CCN6: variants seen among roughly 807,000 people sequenced by gnomAD.
CCN6 encodes the protein cellular communication network factor 6.
CCN6 carries 31 observed loss-of-function variants against 37.4 expected under a neutral mutation model. The ratio of observed to expected loss-of-function variants is 0.83; its 90% confidence interval spans 0.62 to 1.12. The LOEUF is 1.12. Among genes scored for constraint, CCN6 ranks in the 50% most tolerant of loss-of-function variants. The pLI, the probability that CCN6 is intolerant of heterozygous loss-of-function variation, is 0.00. For missense variants in CCN6, 369 were observed against 413.8 expected, an observed-to-expected ratio of 0.89 and a Z score of 0.94; for synonymous variants, 137 against 142.1, an observed-to-expected ratio of 0.96 and a Z score of 0.26.
chr6:112,064,822 C>T lies in CCN6; in HGVS notation c.414C>T (p.Asn138=), dbSNP rs142889293. The change falls in exon 3 of 5, where the codon AAC becomes AAT. Residue 138 remains asparagine (N), a synonymous_variant. Transcript: ENST00000368666. The stretch of plus-strand genomic sequence containing the variant: ...ATAATGGCCAAGTGTTTCAGCCCAA[C>T]CCCTTGTTCAGCTGCCTCTGTGTGA... ...HYHNGQVFQP[N]PLFSCLCVSG... 3.7e-6 allele frequency: 6 copies of T among 1,613,992 alleles called. No individual in the cohort carries two copies. Among genetic ancestry groups the T allele is most frequent in the African/African-American group, 2.7e-5 (2 of 74,922 alleles).
chr6:112,054,406 G>GT lies in CCN6; in HGVS notation c.48+2dup, dbSNP rs797044439. The GT allele has an allele frequency of 1.2e-6, 2 of 1,613,070 alleles. No individual in the cohort carries two copies. Among genetic ancestry groups the GT allele is most frequent in the Non-Finnish European group, 1.7e-6 (2 of 1,179,810 alleles). On this transcript the variant is annotated splice_donor_variant, in intron 1 of 4. Coordinates refer to ENST00000368666, the MANE Select transcript of CCN6 (RefSeq NM_198239.2). LOFTEE classifies it high-confidence loss of function. Reference sequence around the variant, plus strand: ...TCTTCTGCTTGCTGGCCTGGCACAGGTAAGTCCTCTCCCCCGACTCTTTCC... The same window carrying GT: ...TCTTCTGCTTGCTGGCCTGGCACAGGTTAAGTCCTCTCCCCCGACTCTTTCC...
In CCN6 at chr6:112,054,531, T is replaced by C. The variant is rs1776288034; in HGVS notation, c.48+126T>C. On this transcript the variant is annotated intron_variant, in intron 1 of 4. Transcript: ENST00000368666. ...ATCAATGGCTTGTGGAACTACTTCA[T>C]GAGAAATAGGAAGCCATTTTTCTTT... 3.4e-5 allele frequency: 30 copies of C among 880,368 alleles called. No individual in the cohort carries two copies. In the South Asian group the frequency reaches 4.0e-4, roughly 12 times the overall value. The allele number at this position is 880,368 out of a possible 1,614,324, so 54.5% of individuals were successfully genotyped here.
At chr6:112,065,049 A>T (rs1020574973) in intron 3 of CCN6, 52 bp downstream of exon 3, 1 of 1,611,926 alleles carries the variant, frequency 6.2e-7, no homozygotes, top group Middle Eastern at 1.7e-4. Flanking sequence ...GTATTCCTTC[A>T]TGTTCCTTTT....
chr6:112,060,537 T>C (rs1776482037), intron 1 of CCN6, among the ~76,000 whole-genome samples: 1 of 151,910 alleles, frequency 6.6e-6, no homozygotes, highest in African/African-American at 2.4e-5. Flanking sequence ...AGGGGAAGCT[T>C]GGGAGCTTGT....
At chr6:112,061,370 A>T in intron 2 of CCN6, 82 bp downstream of exon 2, 1 of 1,591,408 alleles carries the variant, frequency 6.3e-7, no homozygotes, top group Non-Finnish European at 8.6e-7. Flanking sequence ...GCTTGGAGTG[A>T]TCAGCTTAGT....
chr6:112,069,511 GCCC>G lies in CCN6; in HGVS notation c.957_959del (p.Cys319_Pro320delinsTer). 1.2e-6 allele frequency: 2 copies of G among 1,613,666 alleles called. No individual in the cohort carries two copies. The highest frequency in any genetic ancestry group is 1.7e-6 in the Non-Finnish European group (2 of 1,179,784). ...AAAATGATTACTATTCAATTTGATT[GCCC>G]AAATGAGGGGTCATTTAAATGGAAG... On this transcript the variant is annotated stop_gained and inframe_deletion, in exon 5 of 5. Transcript: ENST00000368666. LOFTEE classifies it high-confidence loss of function.
chr6:112,067,140 ATACTT>A (rs1217470189), intron 3 of CCN6: 2 of 820,032 alleles, frequency 2.4e-6, no homozygotes, highest in African/African-American at 1.9e-5. Flanking sequence ...AATAGAGCAC[ATACTT>A]TAAAGAGACT....
chr6:112,054,285 G>A lies in CCN6; in HGVS notation c.-73G>A. The A allele has an allele frequency of 6.2e-7, 1 of 1,612,722 alleles. No homozygotes were observed. The highest frequency in any genetic ancestry group is 8.5e-7 in the Non-Finnish European group (1 of 1,178,856). On this transcript the variant is annotated 5_prime_UTR_variant, in exon 1 of 5. Coordinates refer to ENST00000368666, the MANE Select transcript of CCN6 (RefSeq NM_198239.2). ...TGGGGTTTGCAGAGGAGACAGGGGA[G>A]CTTTGTGTACCCGGAGCAATGAACA...
At chr6:112,066,953 C>G (rs782477626) in intron 3 of CCN6, 2 of 1,365,490 alleles carry the variant, frequency 1.5e-6, no homozygotes, top group Non-Finnish European at 2.0e-6. Context: ...ATCTAACCTG[C>G]CTTTATTTAT....
Position 112,069,228 on chromosome 6 carries a change from C to A in CCN6, c.784-111C>A. On this transcript the variant is annotated intron_variant, in intron 4 of 4. Transcript: ENST00000368666. ...AGTGCTGGAAATCACTACATAGCAA[C>A]TTTTATTAATGCCTCCAAATACTCA... The A allele has an allele frequency of 7.7e-6, 10 of 1,298,478 alleles. No individual in the cohort carries two copies. The South Asian group carries it at 1.4e-4, about 18-fold the overall frequency. The allele number at this position is 1,298,478 out of a possible 1,614,324, so 80.4% of individuals were successfully genotyped here.
chr6:112,054,569 C>A, intron 1 of CCN6, 164 bp downstream of exon 1: 1 of 692,394 alleles, frequency 1.4e-6, no homozygotes, highest in East Asian at 2.7e-5. Flanking sequence ...AAATAAAGTT[C>A]TGTGTTCGTT....
chr6:112,054,445 TG>T, intron 1 of CCN6, 40 bp downstream of exon 1: 1 of 1,593,626 alleles, frequency 6.3e-7, no homozygotes, highest in Non-Finnish European at 8.6e-7. Flanking sequence ...CCGGAGGCTA[TG>T]GCCATCCTTA....
chr6:112,058,615 G>T (rs1377259185), intron 1 of CCN6, among the ~76,000 whole-genome samples: 4 of 152,210 alleles, frequency 2.6e-5, no homozygotes, highest in African/African-American at 9.7e-5. Context: ...TACTGAAACA[G>T]AACCTTGAAG....
intron 1 of CCN6, among the ~76,000 whole-genome samples, chr6:112,060,599 TA>T (rs1402066613): frequency 6.6e-6 from 1 of 152,168 alleles, no homozygotes; most frequent in African/African-American, 2.4e-5. Context: ...GTGGAGATGT[TA>T]AGTAGGCAGT....
At chr6:112,060,081 G>A in intron 1 of CCN6, 2 of 1,365,112 alleles carry the variant, frequency 1.5e-6, no homozygotes, top group Non-Finnish European at 2.0e-6. Context: ...CTGGTGTGGA[G>A]GCAGCAAGGG....
intron 2 of CCN6, among the ~76,000 whole-genome samples, chr6:112,062,429 C>T (rs1554313075): frequency 6.6e-6 from 1 of 152,138 alleles, no homozygotes; most frequent in African/African-American, 2.4e-5. Context: ...CACTACAGAG[C>T]CAAGCACTGT....
At chr6:112,068,708 T>C (rs1776774515) in intron 4 of CCN6, among the ~76,000 whole-genome samples, 1 of 152,162 alleles carries the variant, frequency 6.6e-6, no homozygotes, top group Non-Finnish European at 1.5e-5. Flanking sequence ...ATCTTAGTTA[T>C]ATATCACTAA....
rs1554311370 is a variant in CCN6 at position 112,054,349 on chromosome 6, C to G, written c.-9C>G. The G allele has an allele frequency of 8.7e-6, 14 of 1,613,866 alleles. No homozygotes were observed. The highest frequency in any genetic ancestry group is 1.1e-5 in the Non-Finnish European group (13 of 1,179,998). Reference sequence around the variant, plus strand: ...CTACCCCTCAGGGTGGCTCCACGGTCCCAGCGACATGCAGGGGCTCCTCTT... The same window carrying G: ...CTACCCCTCAGGGTGGCTCCACGGTGCCAGCGACATGCAGGGGCTCCTCTT... On this transcript the variant is annotated 5_prime_UTR_variant, in exon 1 of 5. Coordinates refer to ENST00000368666, the MANE Select transcript of CCN6 (RefSeq NM_198239.2).
chr6:112,060,206 G>A (rs1583576133), intron 1 of CCN6: 1 of 1,229,624 alleles, frequency 8.1e-7, no homozygotes, highest in South Asian at 1.3e-5. Context: ...CACTCCATAT[G>A]AGCAAAGAGT....
Sources: gnomAD v4.1 joint callset for allele counts (sites outside exome capture counted in the v4.1 genomes callset) on GRCh38, gnomAD v4.1.1 for gene constraint, MANE v1.5 for transcripts, NCBI Gene and HGNC (gene_info 2026-07-23, HGNC 2026-07-21) for gene names.